Variants in GABRB1 observed in about 807,000 individuals in gnomAD.
The protein encoded by GABRB1 is gamma-aminobutyric acid receptor subunit beta-1.
GABRB1 carries 17 observed loss-of-function variants against 51.6 expected under a neutral mutation model. The observed-to-expected ratio is 0.33, with a 90% confidence interval of 0.23 to 0.49. The LOEUF is 0.49. Among genes scored for constraint, GABRB1 ranks in the 20% least tolerant of loss-of-function variants. The probability of loss-of-function intolerance (pLI) is 0.99; values close to 1 mark genes in which losing one functional copy is unlikely to be tolerated. For missense variants in GABRB1, 410 were observed against 600.6 expected, an observed-to-expected ratio of 0.68 and a Z score of 3.32; for synonymous variants, 247 against 218.9, an observed-to-expected ratio of 1.13 and a Z score of -1.14.
chr4:47,022,151 T>C (rs1205376575), intron 1 of GABRB1, among the ~76,000 whole-genome samples: 1 of 152,126 alleles, frequency 6.6e-6, no homozygotes, highest in African/African-American at 2.4e-5. Context: ...TATTTTATTT[T>C]ACTGGTTTAT....
chr4:47,109,890 T>G (rs1715145363), intron 3 of GABRB1, among the ~76,000 whole-genome samples: 1 of 151,948 alleles, frequency 6.6e-6, no homozygotes, highest in African/African-American at 2.4e-5. Flanking sequence ...GCTAGTGTCA[T>G]TGTGTAAGGC....
At chr4:47,068,775 A>C (rs1727191325) in intron 3 of GABRB1, among the ~76,000 whole-genome samples, 1 of 152,216 alleles carries the variant, frequency 6.6e-6, no homozygotes, top group Non-Finnish European at 1.5e-5. Context: ...TATTATGAGA[A>C]TTGCCAGAAT....
chr4:47,398,675 C>T (rs925818749), intron 5 of GABRB1, among the ~76,000 whole-genome samples: 4 of 152,252 alleles, frequency 2.6e-5, no homozygotes, highest in Non-Finnish European at 5.9e-5. Context: ...ATCTCCGCCT[C>T]CCAGGTTCAC....
At chr4:47,056,683 A>C (rs1038402343) in intron 3 of GABRB1, among the ~76,000 whole-genome samples, 1 of 152,008 alleles carries the variant, frequency 6.6e-6, no homozygotes, top group African/African-American at 2.4e-5. Flanking sequence ...GAAGGGCTAC[A>C]AAAAAAAGGA....
intron 4 of GABRB1, among the ~76,000 whole-genome samples, chr4:47,220,512 T>C (rs1720727432): frequency 6.6e-6 from 1 of 152,052 alleles, no homozygotes; most frequent in Admixed American, 6.6e-5. Flanking sequence ...GCTTAGCCTC[T>C]CTTGAATTTC....
chr4:47,091,744 A>G (rs1046308289), intron 3 of GABRB1, among the ~76,000 whole-genome samples: 2 of 152,160 alleles, frequency 1.3e-5, no homozygotes, highest in African/African-American at 4.8e-5. Context: ...GGATTTTAAG[A>G]TAAAGTCTGA....
Position 47,225,115 on chromosome 4 carries a change from G to A in GABRB1, c.461+63646G>A, listed in dbSNP as rs546757514. Among the ~76,000 whole-genome samples the A allele has an allele frequency of 1.3e-3, 203 of 152,108 alleles. 1 individual carries two copies. Among genetic ancestry groups the A allele is most frequent in the Middle Eastern group, 0.01 (3 of 294 alleles). On this transcript the variant is annotated intron_variant, in intron 4 of 8. Coordinates refer to ENST00000295454, the MANE Select transcript of GABRB1 (RefSeq NM_000812.4). ...TCTCCATGTTGGTCAGGCTGGTCTC[G>A]AATTCCTGACCTCAGGTGATCCGCA...
chr4:47,226,760 A>G (rs927392881), intron 4 of GABRB1, among the ~76,000 whole-genome samples: 2 of 152,204 alleles, frequency 1.3e-5, no homozygotes, highest in Non-Finnish European at 1.5e-5. Context: ...CAGCAGTTGT[A>G]CTACATAGAT....
intron 4 of GABRB1, among the ~76,000 whole-genome samples, chr4:47,234,850 AG>A (rs1278893897): frequency 6.6e-6 from 1 of 152,156 alleles, no homozygotes; most frequent in African/African-American, 2.4e-5. Context: ...TTCACCCTTT[AG>A]CAGAAAACAA....
At chr4:47,266,820 T>C (rs13110953) in intron 4 of GABRB1, among the ~76,000 whole-genome samples, 134,618 of 151,972 alleles carry the variant, frequency 0.89, 59,882 homozygotes, top group East Asian at 0.98. Context: ...CAGTTTATGT[T>C]CAGTGTTTCT....
rs1485413354 is a variant in GABRB1, at chr4:47,161,460, A to G, written c.452A>G (p.Tyr151Cys). Residue 151 changes from tyrosine (Y) to cysteine (C), a missense_variant, in exon 4 of 9, where the codon TAT becomes TGT. Physicochemically the swap from Tyr to Cys is radical, Grantham distance 194. This residue lies in a region of GABRB1 where 100 missense variants were observed against 184.3 expected (regional missense o/e 0.54). Transcript: ENST00000295454. ...IRLHPDGTVL[Y>C]GLRITTTAAC... ...CTGCATCCTGATGGAACAGTTCTCT[A>G]TGGACTCCGGTAAATGGCTTTATGT... is the stretch of plus-strand genomic sequence containing the variant. The G allele has an allele frequency of 6.2e-7, 1 of 1,610,670 alleles. No homozygotes were observed. The highest frequency in any genetic ancestry group is 8.5e-7 in the Non-Finnish European group (1 of 1,177,514).
chr4:47,261,478 C>A (rs2109878829), intron 4 of GABRB1, among the ~76,000 whole-genome samples: 1 of 152,254 alleles, frequency 6.6e-6, no homozygotes, highest in South Asian at 2.1e-4. Flanking sequence ...AGGAATCCAA[C>A]TTACAAGGGA....
At chr4:47,270,194 T>A (rs959868921) in intron 4 of GABRB1, among the ~76,000 whole-genome samples, 3 of 152,232 alleles carry the variant, frequency 2.0e-5, no homozygotes, top group African/African-American at 7.2e-5. Flanking sequence ...GCACATGACA[T>A]GGCTGTTTTG....
At chr4:47,020,951 T>C (rs1279288032) in intron 1 of GABRB1, among the ~76,000 whole-genome samples, 1 of 152,200 alleles carries the variant, frequency 6.6e-6, no homozygotes, top group Non-Finnish European at 1.5e-5. Context: ...GACACATTCC[T>C]ACTTCAGTAT....
chr4:47,052,162 T>A (rs549409237), intron 3 of GABRB1, among the ~76,000 whole-genome samples: 4 of 152,094 alleles, frequency 2.6e-5, no homozygotes, highest in Non-Finnish European at 5.9e-5. Context: ...AGTATGATTA[T>A]AACCAGCATA....
intron 3 of GABRB1, among the ~76,000 whole-genome samples, chr4:47,111,075 A>G (rs1715192594): frequency 6.6e-6 from 1 of 152,204 alleles, no homozygotes; most frequent in Admixed American, 6.5e-5. Flanking sequence ...GCGATATGGA[A>G]AAAATATTGC....
chr4:47,342,078 C>T (rs1725920721), intron 5 of GABRB1, among the ~76,000 whole-genome samples: 1 of 152,130 alleles, frequency 6.6e-6, no homozygotes, highest in African/African-American at 2.4e-5. Context: ...GTGCAGAAGT[C>T]TGATTTAAAG....
chr4:47,072,741 A>G (rs538425140), intron 3 of GABRB1, among the ~76,000 whole-genome samples: 37 of 152,282 alleles, frequency 2.4e-4, no homozygotes, highest in African/African-American at 8.4e-4. Context: ...AATATAGATG[A>G]ATTTAGTAAG....
chr4:47,027,229 T>A (rs976289603), upstream of GABRB1, among the ~76,000 whole-genome samples: 4 of 151,598 alleles, frequency 2.6e-5, no homozygotes, highest in Non-Finnish European at 5.9e-5. Flanking sequence ...GCAATGAATA[T>A]CCTTATTATC....
Sources: gnomAD v4.1 joint callset for allele counts (sites outside exome capture counted in the v4.1 genomes callset) on GRCh38, gnomAD v4.1.1 for gene constraint, gnomAD v4.1.1 regional missense constraint, MANE v1.5 for transcripts, NCBI Gene and HGNC (gene_info 2026-07-23, HGNC 2026-07-21) for gene names.